Variants in CEP43 observed in about 807,000 individuals in gnomAD.
CEP43 encodes the protein centrosomal protein 43.
CEP43 carries 36 observed loss-of-function variants against 52.6 expected under a neutral mutation model. That is an observed-to-expected ratio of 0.68 (90% CI 0.52 to 0.90). CEP43 has a LOEUF of 0.90. Ranked by LOEUF, CEP43 falls within the 40% of genes least tolerant of loss-of-function variation. CEP43 has a pLI of 0.00. For missense variants in CEP43, 506 were observed against 472.8 expected (o/e 1.07, Z -0.65); for synonymous variants, 192 against 172.4 (o/e 1.11, Z -0.89).
chr6:167,028,712 A>C (rs528348964), intron 10 of CEP43, among the ~76,000 whole-genome samples: 73 of 152,304 alleles, frequency 4.8e-4, no homozygotes, highest in African/African-American at 1.7e-3. Flanking sequence ...CAGATGAAGA[A>C]TCTAGGTTAA....
chr6:167,030,515 C>T (rs1780445037), intron 10 of CEP43, among the ~76,000 whole-genome samples: 1 of 152,202 alleles, frequency 6.6e-6, no homozygotes, highest in South Asian at 2.1e-4. Flanking sequence ...GAGGAAGCTC[C>T]TGACATGTCC....
At chr6:167,038,351 G>A (rs958662913) in intron 12 of CEP43, among the ~76,000 whole-genome samples, 3 of 152,170 alleles carry the variant, frequency 2.0e-5, no homozygotes, top group African/African-American at 7.2e-5. Context: ...GTTAAAGTGT[G>A]TCACACCATG....
intron 11 of CEP43, among the ~76,000 whole-genome samples, chr6:167,033,090 T>G (rs1242885669): frequency 6.7e-6 from 1 of 148,892 alleles, no homozygotes; most frequent in Admixed American, 6.8e-5. Flanking sequence ...CTAATAAGAT[T>G]GCCATTCTCT....
In CEP43 at chr6:167,048,630, G is replaced by T. The variant is rs1780833132; in HGVS notation, c.*8652G>T. The T allele has an allele frequency of 6.6e-6, 1 of 152,170 alleles. No individual in the cohort carries two copies. Among genetic ancestry groups the T allele is most frequent in the Admixed American group, 6.5e-5 (1 of 15,284 alleles). The allele number at this position is 152,170 out of a possible 1,614,324, so 9.4% of individuals were successfully genotyped here. On this transcript the variant is annotated 3_prime_UTR_variant, in exon 13 of 13. Transcript: ENST00000366847. ...CCATGTTGCCCAGAGATCATGAGGA[G>T]CTCTTCTATGATTTGACAGTGCAAT... is the stretch of plus-strand genomic sequence containing the variant.
rs917035858 is a variant in CEP43, at chr6:167,005,855, C to G, written c.438+1454C>G. ...AGAACTCTCTTCTCTTTCTAACTGC[C>G]CTTTCATTTTCTTTTCTGTTTAGTA... On this transcript the variant is annotated intron_variant, in intron 5 of 12. Transcript: ENST00000366847. Among the ~76,000 whole-genome samples, 3 of 152,124 alleles carry G rather than the reference C, an allele frequency of 2.0e-5. No individual in the cohort carries two copies. The East Asian group carries it at 5.8e-4, about 29-fold the overall frequency.
intron 12 of CEP43, among the ~76,000 whole-genome samples, chr6:167,035,732 G>A (rs148875558): frequency 0.02 from 3,084 of 151,834 alleles, 54 homozygotes; most frequent in East Asian, 0.092. Context: ...ACGCCCAGCT[G>A]ATTTTTTGTA....
chr6:167,005,742 A>G (rs1779836962), intron 5 of CEP43, among the ~76,000 whole-genome samples: 1 of 152,222 alleles, frequency 6.6e-6, no homozygotes, highest in Non-Finnish European at 1.5e-5. Flanking sequence ...AAAACAAACT[A>G]AAGAACCCAG....
chr6:167,023,319 G>A (rs1052441772), intron 8 of CEP43, among the ~76,000 whole-genome samples: 2 of 152,170 alleles, frequency 1.3e-5, no homozygotes, highest in Admixed American at 1.3e-4. Context: ...TGGTCTTAGA[G>A]TTTCCAGTTA....
At chr6:167,006,720 C>T (rs1014781550) in intron 5 of CEP43, among the ~76,000 whole-genome samples, 1 of 152,110 alleles carries the variant, frequency 6.6e-6, no homozygotes, top group African/African-American at 2.4e-5. Flanking sequence ...CAACCAGTCC[C>T]CTGTGGATAC....
intron 5 of CEP43, among the ~76,000 whole-genome samples, chr6:167,005,413 A>G (rs551498615): frequency 4.6e-5 from 7 of 152,368 alleles, no homozygotes; most frequent in Non-Finnish European, 7.3e-5. Context: ...ATTTCCAACC[A>G]TATTATGAAT....
chr6:167,013,673 CT>C, intron 7 of CEP43, 106 bp downstream of exon 7: 1 of 886,792 alleles, frequency 1.1e-6, no homozygotes, highest in Non-Finnish European at 1.8e-6. Flanking sequence ...TCTCAGTTTT[CT>C]TATGAAATGT....
chr6:167,034,913 C>G (rs533964942), intron 12 of CEP43, among the ~76,000 whole-genome samples: 2 of 152,274 alleles, frequency 1.3e-5, no homozygotes, highest in South Asian at 4.1e-4. Context: ...ATAAATTTAG[C>G]TTTCTCTTTT....
intron 5 of CEP43, 60 bp from the exon 6 acceptor site, chr6:167,010,753 A>G: frequency 1.3e-6 from 1 of 759,040 alleles, no homozygotes. Flanking sequence ...ATTGGAGTGT[A>G]ATTGGTATAT....
chr6:167,005,797 T>C (rs1489589077), intron 5 of CEP43, among the ~76,000 whole-genome samples: 1 of 152,254 alleles, frequency 6.6e-6, no homozygotes, highest in African/African-American at 2.4e-5. Context: ...CCTCTCTTTA[T>C]TGGCTTTCCC....
rs2114859036 is a variant in CEP43, at chr6:167,045,422, C to T, written c.*5444C>T. 6.6e-6 allele frequency: 1 copy of T among 151,608 alleles called. No individual in the cohort carries two copies. The highest frequency in any genetic ancestry group is 2.4e-5 in the African/African-American group (1 of 41,436). 9.4% of individuals were successfully genotyped at this position (151,608 alleles called of 1,614,324 possible). ...ACAGGCATGAGCCACTGTACCCAGCCCTGTATTTTCTTTAAAAACCAATTT... is the reference window on the plus strand; with the variant it reads ...ACAGGCATGAGCCACTGTACCCAGCTCTGTATTTTCTTTAAAAACCAATTT... On this transcript the variant is annotated 3_prime_UTR_variant, in exon 13 of 13. Coordinates refer to ENST00000366847, the MANE Select transcript of CEP43 (RefSeq NM_007045.4).
intron 2 of CEP43, among the ~76,000 whole-genome samples, chr6:167,001,052 C>T (rs1355657773): frequency 6.6e-6 from 1 of 152,180 alleles, no homozygotes; most frequent in East Asian, 1.9e-4. Flanking sequence ...TTCTATGTCA[C>T]CCCTGCTTCC....
intron 10 of CEP43, chr6:167,027,929 A>C: frequency 2.0e-6 from 2 of 985,818 alleles, no homozygotes; most frequent in Admixed American, 6.1e-5. Flanking sequence ...GAGTCCTGGT[A>C]ACTGAGTTGC....
Position 167,040,954 on chromosome 6 carries a change from CATT to C in CEP43, c.*980_*982del, listed in dbSNP as rs774586912. The C allele has an allele frequency of 9.8e-7, 1 of 1,024,478 alleles. No homozygotes were observed. The highest frequency in any genetic ancestry group is 1.2e-6 in the Non-Finnish European group (1 of 852,362). The allele number at this position is 1,024,478 out of a possible 1,614,324, so 63.5% of individuals were successfully genotyped here. On this transcript the variant is annotated 3_prime_UTR_variant, in exon 13 of 13. Transcript: ENST00000366847. Reference sequence around the variant, plus strand: ...CACAGTCTCATTTATACGGTTAAAGCATTATTGCTATTATGTAGGTCACGGATG... The same window carrying C: ...CACAGTCTCATTTATACGGTTAAAGCATTGCTATTATGTAGGTCACGGATG...
chr6:167,041,869 A>C lies in CEP43; in HGVS notation c.*1891A>C. On this transcript the variant is annotated 3_prime_UTR_variant, in exon 13 of 13. Coordinates refer to ENST00000366847, the MANE Select transcript of CEP43 (RefSeq NM_007045.4). Reference sequence around the variant, plus strand: ...GACAGAGTCTCACTGTGTCACTCAGACTGGAGTACAGTGATGCGATCTCGG... The same window carrying C: ...GACAGAGTCTCACTGTGTCACTCAGCCTGGAGTACAGTGATGCGATCTCGG... The C allele has an allele frequency of 1.1e-6, 1 of 908,920 alleles. No homozygotes were observed. Among genetic ancestry groups the C allele is most frequent in the Non-Finnish European group, 1.3e-6 (1 of 752,138 alleles). The allele number at this position is 908,920 out of a possible 1,614,324, so 56.3% of individuals were successfully genotyped here.
Sources: gnomAD v4.1 joint callset for allele counts (sites outside exome capture counted in the v4.1 genomes callset) on GRCh38, gnomAD v4.1.1 for gene constraint, MANE v1.5 for transcripts, NCBI Gene and HGNC (gene_info 2026-07-23, HGNC 2026-07-21) for gene names.